Variants in SGMS1 observed in about 807,000 individuals in gnomAD.
SGMS1 encodes sphingomyelin synthase 1, also known as phosphatidylcholine:ceramide cholinephosphotransferase 1.
SGMS1 carries 13 observed loss-of-function variants against 46.2 expected under a neutral mutation model. The ratio of observed to expected loss-of-function variants is 0.28; its 90% CI spans 0.18 to 0.45. The LOEUF (loss-of-function observed/expected upper bound fraction) is 0.45. SGMS1 is among the 20% of genes least tolerant of loss of function. The probability of loss-of-function intolerance (pLI) is 1.00; values close to 1 mark genes in which losing one functional copy is unlikely to be tolerated. For missense variants in SGMS1, 324 were observed against 519.9 expected (o/e 0.62, Z 3.66); for synonymous variants, 203 against 187.8 (o/e 1.08, Z -0.66).
At chr10:50,325,325 T>G (rs577762872) in intron 8 of SGMS1, among the ~76,000 whole-genome samples, 95 of 151,998 alleles carry the variant, frequency 6.3e-4, no homozygotes, top group Admixed American at 2.1e-3. Flanking sequence ...TTCTACAAAA[T>G]TAGATTTTGT....
intron 2 of SGMS1, among the ~76,000 whole-genome samples, chr10:50,574,678 T>G (rs1413368079): frequency 6.6e-6 from 1 of 152,188 alleles, no homozygotes; most frequent in Non-Finnish European, 1.5e-5. Flanking sequence ...AGGAGATACC[T>G]GCATGCTCAT....
At chr10:50,436,483 C>T (rs1849475398) in intron 5 of SGMS1, among the ~76,000 whole-genome samples, 1 of 152,154 alleles carries the variant, frequency 6.6e-6, no homozygotes, top group Non-Finnish European at 1.5e-5. Context: ...TAAAAGAATG[C>T]AGAACACTGG....
At chr10:50,441,625 C>T (rs1313014382) in intron 5 of SGMS1, among the ~76,000 whole-genome samples, 5 of 152,212 alleles carry the variant, frequency 3.3e-5, no homozygotes, top group African/African-American at 7.2e-5. Flanking sequence ...TCTAACTGAC[C>T]GTCAAGGGAC....
At chr10:50,371,828 G>A (rs532920694) in intron 6 of SGMS1, among the ~76,000 whole-genome samples, 1 of 152,232 alleles carries the variant, frequency 6.6e-6, no homozygotes, top group African/African-American at 2.4e-5. Flanking sequence ...GTCATCCCAT[G>A]GTGGAAGGCA....
intron 1 of SGMS1, among the ~76,000 whole-genome samples, chr10:50,597,234 T>A (rs1162621736): frequency 2.0e-5 from 3 of 152,206 alleles, no homozygotes; most frequent in African/African-American, 7.2e-5. Flanking sequence ...ATGTTCAATA[T>A]CATTAATCAT....
chr10:50,531,833 A>C (rs2133805156), intron 2 of SGMS1, among the ~76,000 whole-genome samples: 1 of 152,354 alleles, frequency 6.6e-6, no homozygotes, highest in South Asian at 2.1e-4. Flanking sequence ...TAATCCAAGC[A>C]ATAGCATGAT....
chr10:50,471,705 T>C (rs760129089), intron 3 of SGMS1, among the ~76,000 whole-genome samples: 1 of 152,216 alleles, frequency 6.6e-6, no homozygotes, highest in Non-Finnish European at 1.5e-5. Flanking sequence ...TTCCTAGAAC[T>C]CTCACTGAGA....
intron 2 of SGMS1, among the ~76,000 whole-genome samples, chr10:50,569,183 A>G (rs1564434326): frequency 6.6e-6 from 1 of 151,960 alleles, no homozygotes; most frequent in Non-Finnish European, 1.5e-5. Context: ...GGATAGCATT[A>G]GGAGAAATAC....
chr10:50,388,601 A>G (rs1281947524), intron 6 of SGMS1, among the ~76,000 whole-genome samples: 2 of 152,164 alleles, frequency 1.3e-5, no homozygotes, highest in African/African-American at 2.4e-5. Flanking sequence ...CGACAGAGCG[A>G]GACTGTCTCA....
At chr10:50,330,227 G>A (rs1334000510) in intron 7 of SGMS1, among the ~76,000 whole-genome samples, 2 of 152,106 alleles carry the variant, frequency 1.3e-5, no homozygotes, top group Admixed American at 1.3e-4. Context: ...GCTGAGGCAG[G>A]TGGATCACTT....
At chr10:50,378,546 A>G (rs1848553449) in intron 6 of SGMS1, among the ~76,000 whole-genome samples, 1 of 152,202 alleles carries the variant, frequency 6.6e-6, no homozygotes, top group South Asian at 2.1e-4. Flanking sequence ...TAAAATTTAA[A>G]ATGTTTTCAG....
chr10:50,338,744 A>T (rs4935624), intron 7 of SGMS1, among the ~76,000 whole-genome samples: 1,432 of 139,284 alleles, frequency 0.01, 15 homozygotes, highest in African/African-American at 0.033. Flanking sequence ...CTGCAATGGC[A>T]TTTTTTTTTT....
At chr10:50,552,630 G>A (rs967449174) in intron 2 of SGMS1, among the ~76,000 whole-genome samples, 5 of 152,142 alleles carry the variant, frequency 3.3e-5, no homozygotes, top group African/African-American at 1.2e-4. Context: ...CCTACAAGGC[G>A]GACTGAAAGT....
intron 8 of SGMS1, 84 bp downstream of exon 8, chr10:50,327,121 C>T (rs770831446): frequency 2.6e-5 from 20 of 773,412 alleles, no homozygotes; most frequent in African/African-American, 7.0e-5. Flanking sequence ...TCTGAAGAAA[C>T]GTTTTCCTGC....
intron 6 of SGMS1, among the ~76,000 whole-genome samples, chr10:50,364,071 ACAATT>A (rs1194835682): frequency 6.6e-6 from 1 of 152,084 alleles, no homozygotes; most frequent in South Asian, 2.1e-4. Flanking sequence ...GTCAATATGA[ACAATT>A]CAATAGGAAC....
chr10:50,568,709 C>T (rs1164554028), intron 2 of SGMS1, among the ~76,000 whole-genome samples: 1 of 152,126 alleles, frequency 6.6e-6, no homozygotes, highest in Admixed American at 6.5e-5. Context: ...AAAGATAGTA[C>T]ACACAAATTA....
intron 1 of SGMS1, among the ~76,000 whole-genome samples, chr10:50,606,501 G>A (rs936641904): frequency 2.6e-5 from 4 of 152,166 alleles, no homozygotes; most frequent in Non-Finnish European, 5.9e-5. Flanking sequence ...AATCAAAAAA[G>A]ATGTTTGTAC....
intron 6 of SGMS1, among the ~76,000 whole-genome samples, chr10:50,376,924 C>T (rs1388890132): frequency 6.6e-6 from 1 of 151,994 alleles, no homozygotes. Context: ...GAAACAATTT[C>T]CATGAAAAAA....
At chr10:50,510,838 G>A (rs1334810874) in intron 3 of SGMS1, among the ~76,000 whole-genome samples, 1 of 151,816 alleles carries the variant, frequency 6.6e-6, no homozygotes, top group Admixed American at 6.6e-5. Flanking sequence ...TTGTTTGTTT[G>A]GGTTTTTTTA....
Sources: allele counts gnomAD v4.1 joint callset (sites outside exome capture counted in the v4.1 genomes callset), GRCh38; gene constraint gnomAD v4.1.1; transcripts MANE v1.5; gene names NCBI Gene and HGNC (gene_info 2026-07-23, HGNC 2026-07-21).